Variants in CNTN1 observed in about 807,000 individuals in gnomAD.
CNTN1 encodes the protein contactin 1, also known as contactin-1.
A neutral mutation model predicts 126.4 loss-of-function variants in CNTN1; 38 were observed. The observed-to-expected ratio is 0.30, with a 90% CI of 0.23 to 0.39. The LOEUF is 0.39. Ranked by LOEUF, CNTN1 falls within the 10% of genes least tolerant of loss-of-function variation. CNTN1 has a pLI of 1.00. For synonymous variants in CNTN1, 413 were observed against 422.6 expected (o/e 0.98, Z 0.28); for missense variants, 1,009 against 1,248.4 (o/e 0.81, Z 2.89).
At chr12:40,705,324 T>C (rs1941710476) in intron 1 of CNTN1, among the ~76,000 whole-genome samples, 1 of 152,222 alleles carries the variant, frequency 6.6e-6, no homozygotes, top group South Asian at 2.1e-4. Context: ...TCCTGATGAA[T>C]TATTTCTGCT....
At chr12:40,949,569 C>CTTTTTT (rs36070275) in intron 14 of CNTN1, among the ~76,000 whole-genome samples, 8 of 64,308 alleles carry the variant, frequency 1.2e-4, no homozygotes, top group African/African-American at 5.3e-4. Context: ...TCTTTTCTTT[C>CTTTTTT]TTTTTTTTTT....
chr12:40,716,568 T>C (rs547066324), intron 1 of CNTN1, among the ~76,000 whole-genome samples: 1 of 152,332 alleles, frequency 6.6e-6, no homozygotes, highest in South Asian at 2.1e-4. Flanking sequence ...CAATTACAAA[T>C]GTATCTAGAG....
At chr12:40,918,491 C>T (rs1167946691) in intron 3 of CNTN1, 148 bp from the exon 4 acceptor site, 118 of 689,478 alleles carry the variant, frequency 1.7e-4, no homozygotes, top group Non-Finnish European at 5.0e-6. Flanking sequence ...TGATGTTTGG[C>T]TCAGTATTAT....
At chr12:41,018,696 A>G (rs3958508) in intron 19 of CNTN1, among the ~76,000 whole-genome samples, 93 of 149,884 alleles carry the variant, frequency 6.2e-4, no homozygotes, top group African/African-American at 1.8e-3. Flanking sequence ...ATTTTAATAT[A>G]TGTGTGTGTG....
At chr12:40,890,892 A>G (rs1462142562) in intron 1 of CNTN1, among the ~76,000 whole-genome samples, 2 of 152,110 alleles carry the variant, frequency 1.3e-5, no homozygotes, top group African/African-American at 2.4e-5. Context: ...ATATGGTAAG[A>G]ATATGTTTAA....
At chr12:40,997,469 C>G (rs1948247453) in intron 17 of CNTN1, among the ~76,000 whole-genome samples, 1 of 151,996 alleles carries the variant, frequency 6.6e-6, no homozygotes, top group African/African-American at 2.4e-5. Flanking sequence ...TTTTCTTTCT[C>G]TTTTTCACAC....
chr12:40,709,577 G>A (rs567171240), intron 1 of CNTN1, among the ~76,000 whole-genome samples: 4 of 152,292 alleles, frequency 2.6e-5, no homozygotes, highest in African/African-American at 9.6e-5. Context: ...TCTTTTTCCA[G>A]TATAAGGCTG....
intron 14 of CNTN1, among the ~76,000 whole-genome samples, chr12:40,946,876 T>A (rs1946452144): frequency 6.6e-6 from 1 of 152,008 alleles, no homozygotes; most frequent in African/African-American, 2.4e-5. Context: ...CTTCTTTTCC[T>A]TCATGAAATT....
intron 1 of CNTN1, among the ~76,000 whole-genome samples, chr12:40,895,467 A>G (rs940076202): frequency 7.9e-5 from 12 of 152,140 alleles, no homozygotes; most frequent in African/African-American, 2.9e-4. Context: ...GGGACTCCGT[A>G]GAGTCCTGTG....
rs370455342 is a variant in CNTN1, at chr12:40,950,918, CAT to C, written c.1683+6760_1683+6761del. Among the ~76,000 whole-genome samples the C allele has an allele frequency of 2.5e-3, 372 of 150,342 alleles. 1 individual carries two copies. The highest frequency in any genetic ancestry group is 8.7e-3 in the African/African-American group (356 of 41,030). On this transcript the variant is annotated intron_variant, in intron 14 of 23. Coordinates refer to ENST00000551295, the MANE Select transcript of CNTN1 (RefSeq NM_001843.4). Reference sequence around the variant, plus strand: ...AGAATGCCAGGTGAATGGAATTAAGCATATATATATATAAGAATGCCAGGTGA... The same window carrying C: ...AGAATGCCAGGTGAATGGAATTAAGCATATATATATAAGAATGCCAGGTGA...
intron 17 of CNTN1, among the ~76,000 whole-genome samples, chr12:41,002,568 T>TTC (rs1555196941): frequency 3.3e-5 from 5 of 149,260 alleles, no homozygotes; most frequent in African/African-American, 9.9e-5. Context: ...CTTTTTTTTT[T>TTC]TTTTTTTGAG....
At chr12:40,934,656 T>C (rs1946018659) in intron 9 of CNTN1, among the ~76,000 whole-genome samples, 1 of 151,946 alleles carries the variant, frequency 6.6e-6, no homozygotes, top group Non-Finnish European at 1.5e-5. Flanking sequence ...TACTGTCCCA[T>C]TTCACTTTCT....
chr12:40,910,095 T>C lies in CNTN1; in HGVS notation c.84T>C (p.Tyr28=), dbSNP rs772717194. ...TAGAGTTTACATGGTATAGAAGATA[T>C]GGTCATGGAGGTAAGTTGACCAAAG... ...CLAEFTWYRR[Y]GHGVSEEDKG... is the part of the protein sequence containing the mutation. Residue 28 remains tyrosine (Y), a synonymous_variant, in exon 3 of 24, where the codon TAT becomes TAC. Coordinates refer to ENST00000551295, the MANE Select transcript of CNTN1 (RefSeq NM_001843.4). 30 of 1,606,702 alleles carry C rather than the reference T, an allele frequency of 1.9e-5. No individual in the cohort carries two copies. The Admixed American group carries it at 4.3e-4, about 23-fold the overall frequency.
chr12:40,877,292 A>T (rs1479146782), intron 1 of CNTN1, among the ~76,000 whole-genome samples: 2 of 152,188 alleles, frequency 1.3e-5, no homozygotes, highest in African/African-American at 4.8e-5. Context: ...TCCAGGTTAA[A>T]ACCCCAAATG....
At chr12:40,740,540 G>A (rs1170625032) in intron 1 of CNTN1, among the ~76,000 whole-genome samples, 1 of 152,058 alleles carries the variant, frequency 6.6e-6, no homozygotes, top group Non-Finnish European at 1.5e-5. Flanking sequence ...TGTCAGGCAT[G>A]GTAACATGGA....
At chr12:40,930,799 T>G (rs1435396713) in intron 7 of CNTN1, among the ~76,000 whole-genome samples, 1 of 151,994 alleles carries the variant, frequency 6.6e-6, no homozygotes, top group African/African-American at 2.4e-5. Flanking sequence ...GAGGTTCCAT[T>G]TTTATTTTTC....
chr12:40,841,888 A>G (rs1293288656), intron 1 of CNTN1, among the ~76,000 whole-genome samples: 1 of 152,112 alleles, frequency 6.6e-6, no homozygotes, highest in African/African-American at 2.4e-5. Flanking sequence ...GCCAGCTGTC[A>G]TCACTCCTAT....
chr12:41,002,561 T>C (rs1243623447), intron 17 of CNTN1, among the ~76,000 whole-genome samples: 1 of 147,494 alleles, frequency 6.8e-6, no homozygotes, highest in African/African-American at 2.5e-5. Context: ...TTTCTTTCTT[T>C]TTTTTTTTTT....
chr12:40,800,023 A>G (rs1269323207), intron 1 of CNTN1, among the ~76,000 whole-genome samples: 1 of 151,976 alleles, frequency 6.6e-6, no homozygotes, highest in Non-Finnish European at 1.5e-5. Flanking sequence ...CCACTTTACA[A>G]CTAATTGGGA....
Sources: allele counts gnomAD v4.1 joint callset (sites outside exome capture counted in the v4.1 genomes callset), GRCh38; gene constraint gnomAD v4.1.1; transcripts MANE v1.5; gene names NCBI Gene and HGNC (gene_info 2026-07-23, HGNC 2026-07-21).